REC114: variants seen among roughly 807,000 people sequenced by gnomAD.
REC114 encodes REC114 meiotic recombination protein.
REC114 carries 27 observed loss-of-function variants against 31.3 expected under a neutral mutation model. That is an observed-to-expected ratio of 0.86 (90% CI 0.64 to 1.19). The LOEUF is 1.19. REC114 is among the 50% of genes most tolerant of loss of function. The pLI is 0.00. For synonymous variants in REC114, 134 were observed against 127.7 expected, an observed-to-expected ratio of 1.05 and a Z score of -0.33; for missense variants, 344 against 326.9, an observed-to-expected ratio of 1.05 and a Z score of -0.40.
chr15:73,546,169 C>T (rs566231081), intron 3 of REC114, among the ~76,000 whole-genome samples: 2 of 151,546 alleles, frequency 1.3e-5, no homozygotes, highest in Admixed American at 1.3e-4. Flanking sequence ...CACTTGTAAT[C>T]AAAGAAATGA....
At chr15:73,512,872 T>C (rs1223419282) in intron 2 of REC114, among the ~76,000 whole-genome samples, 1 of 150,246 alleles carries the variant, frequency 6.7e-6, no homozygotes, top group Non-Finnish European at 1.5e-5. Flanking sequence ...CTGGCTGCCC[T>C]TAACATTTTT....
intron 4 of REC114, among the ~76,000 whole-genome samples, chr15:73,554,932 GTT>G: frequency 6.6e-6 from 1 of 152,240 alleles, no homozygotes; most frequent in Non-Finnish European, 1.5e-5. Flanking sequence ...AGGCTGCCTT[GTT>G]TTTACAGAGG....
Position 73,443,181 on chromosome 15 carries a change from A to G in REC114, c.-5A>G, listed in dbSNP as rs1341906859. 4 of 1,559,876 alleles carry G rather than the reference A, an allele frequency of 2.6e-6. No homozygotes were observed. The East Asian group carries it at 7.2e-5, about 28-fold the overall frequency. The stretch of plus-strand genomic sequence containing the variant: ...CCGCCGGCAGTGCGTGTGGTGAGGC[A>G]GGACATGGCGGAGGCAGGAAAAGTG... On this transcript the variant is annotated 5_prime_UTR_variant, in exon 1 of 6. Coordinates refer to ENST00000331090, the MANE Select transcript of REC114 (RefSeq NM_001042367.2).
chr15:73,482,549 C>G (rs1039233173), intron 2 of REC114, among the ~76,000 whole-genome samples: 1 of 152,158 alleles, frequency 6.6e-6, no homozygotes, highest in Non-Finnish European at 1.5e-5. Flanking sequence ...TCAGGTATTC[C>G]TTTATAGCAA....
intron 5 of REC114, among the ~76,000 whole-genome samples, 185 bp downstream of exon 5, chr15:73,556,576 GT>G (rs1442099178): frequency 6.6e-6 from 1 of 152,138 alleles, no homozygotes; most frequent in African/African-American, 2.4e-5. Context: ...ATTACAGTAA[GT>G]TGTGAGGTGA....
At chr15:73,461,931 T>TC (rs1390886762) in intron 1 of REC114, among the ~76,000 whole-genome samples, 1 of 143,306 alleles carries the variant, frequency 7.0e-6, no homozygotes, top group Non-Finnish European at 1.5e-5. Context: ...TCTTTTTTTT[T>TC]TTTTTTTTTT....
intron 2 of REC114, among the ~76,000 whole-genome samples, chr15:73,499,782 C>A (rs1027874798): frequency 6.6e-6 from 1 of 152,092 alleles, no homozygotes; most frequent in Non-Finnish European, 1.5e-5. Context: ...ACAACTTCCC[C>A]CAAATGACTT....
At chr15:73,523,103 T>C (rs1042712567) in intron 2 of REC114, among the ~76,000 whole-genome samples, 1 of 152,174 alleles carries the variant, frequency 6.6e-6, no homozygotes, top group African/African-American at 2.4e-5. Flanking sequence ...ATATTTTGCC[T>C]ATTGAGTTGT....
chr15:73,451,306 C>G (rs1892844416), intron 1 of REC114, among the ~76,000 whole-genome samples: 1 of 152,196 alleles, frequency 6.6e-6, no homozygotes, highest in South Asian at 2.1e-4. Flanking sequence ...GCTGTCATCA[C>G]TGATCCCTCA....
chr15:73,450,669 C>T (rs1364496405), intron 1 of REC114, among the ~76,000 whole-genome samples: 2 of 152,156 alleles, frequency 1.3e-5, no homozygotes, highest in Non-Finnish European at 2.9e-5. Context: ...CACCCCAAAT[C>T]GAGAGAATAT....
At chr15:73,498,843 G>A (rs535793912) in intron 2 of REC114, among the ~76,000 whole-genome samples, 1 of 152,230 alleles carries the variant, frequency 6.6e-6, no homozygotes, top group East Asian at 1.9e-4. Context: ...AAAAGTGAAC[G>A]TTAGGCGTTG....
chr15:73,544,213 A>G (rs1033701076), intron 3 of REC114, among the ~76,000 whole-genome samples: 10 of 152,168 alleles, frequency 6.6e-5, no homozygotes, highest in South Asian at 6.2e-4. Flanking sequence ...ATGCTTTTTG[A>G]CAAGTATTAA....
intron 2 of REC114, among the ~76,000 whole-genome samples, chr15:73,498,275 C>T (rs1209411234): frequency 1.3e-5 from 2 of 151,916 alleles, no homozygotes; most frequent in Non-Finnish European, 2.9e-5. Context: ...ATACATACAT[C>T]CACTGCCCGA....
At chr15:73,507,515 A>T (rs1274690651) in intron 2 of REC114, among the ~76,000 whole-genome samples, 1 of 152,212 alleles carries the variant, frequency 6.6e-6, no homozygotes, top group African/African-American at 2.4e-5. Flanking sequence ...TTCAGTGGTT[A>T]TCCCTAGGGA....
intron 1 of REC114, among the ~76,000 whole-genome samples, chr15:73,454,014 T>C (rs567749044): frequency 6.6e-6 from 1 of 152,086 alleles, no homozygotes; most frequent in African/African-American, 2.4e-5. Context: ...AAATACCTAA[T>C]GTAGACCACA....
intron 2 of REC114, among the ~76,000 whole-genome samples, chr15:73,490,804 T>G (rs1223785369): frequency 6.6e-6 from 1 of 151,582 alleles, no homozygotes. Flanking sequence ...TTTCTTTCAT[T>G]CCTTCGCCCC....
At chr15:73,490,929 A>G (rs1299829783) in intron 2 of REC114, among the ~76,000 whole-genome samples, 1 of 152,132 alleles carries the variant, frequency 6.6e-6, no homozygotes, top group Non-Finnish European at 1.5e-5. Flanking sequence ...ATTAAATGCA[A>G]TTATTGTAAT....
At chr15:73,478,815 G>A (rs903408829) in intron 2 of REC114, among the ~76,000 whole-genome samples, 3 of 152,044 alleles carry the variant, frequency 2.0e-5, no homozygotes, top group African/African-American at 7.2e-5. Flanking sequence ...TATTTTTTAT[G>A]TTCTTGTAGG....
At chr15:73,520,211 C>A (rs759851793) in intron 2 of REC114, among the ~76,000 whole-genome samples, 37 of 151,764 alleles carry the variant, frequency 2.4e-4, no homozygotes, top group Non-Finnish European at 2.9e-4. Context: ...CTAATTGTAT[C>A]TCTTTTTTTT....
Sources: gnomAD v4.1 joint callset for allele counts (sites outside exome capture counted in the v4.1 genomes callset) on GRCh38, gnomAD v4.1.1 for gene constraint, MANE v1.5 for transcripts, NCBI Gene and HGNC (gene_info 2026-07-23, HGNC 2026-07-21) for gene names.